SMPD3: variants seen among roughly 807,000 people sequenced by gnomAD.
The protein encoded by SMPD3 is nSMase-2.
SMPD3 carries 21 observed loss-of-function variants against 55.7 expected under a neutral mutation model. The observed-to-expected ratio is 0.38, with a 90% CI of 0.27 to 0.54. SMPD3 has a LOEUF of 0.54. SMPD3 is among the 20% of genes least tolerant of loss of function. The probability of loss-of-function intolerance (pLI) is 0.80; values close to 1 mark genes in which losing one functional copy is unlikely to be tolerated. For missense variants in SMPD3, 842 were observed against 899.6 expected, an observed-to-expected ratio of 0.94 and a Z score of 0.82; for synonymous variants, 457 against 404.3, an observed-to-expected ratio of 1.13 and a Z score of -1.56.
chr16:68,397,772 G>A (rs2090171572), intron 1 of SMPD3, among the ~76,000 whole-genome samples: 1 of 152,124 alleles, frequency 6.6e-6, no homozygotes, highest in Non-Finnish European at 1.5e-5. Context: ...TTTTGCGGGG[G>A]CGGGGGGTGG....
intron 8 of SMPD3, 108 bp downstream of exon 8, chr16:68,361,492 TGTA>T: frequency 2.0e-6 from 3 of 1,481,894 alleles, no homozygotes; most frequent in Non-Finnish European, 2.7e-6. Flanking sequence ...TGGGTATCAT[TGTA>T]AGAGTGGCCT....
At position 68,366,261 on chromosome 16, in the gene SMPD3, T is replaced by G. The variant is rs531543752; in HGVS notation, c.1324-1169A>C. 2.6e-4 allele frequency among the ~76,000 whole-genome samples: 40 copies of G among 152,314 alleles called. 1 individual carries two copies. In the East Asian group the frequency reaches 3.3e-3, roughly 13 times the overall value. ...CCAACAGCCTCGGCAGGCTCCGTCCTTCCTTCACTGCTGCAGTCGGTCAGG... is the reference window on the plus strand; with the variant it reads ...CCAACAGCCTCGGCAGGCTCCGTCCGTCCTTCACTGCTGCAGTCGGTCAGG... On this transcript the variant is annotated intron_variant, in intron 3 of 8. Transcript: ENST00000219334.
At chr16:68,369,264 CATAG>C in intron 3 of SMPD3, 1 of 150,092 alleles carries the variant, frequency 6.7e-6, no homozygotes, top group African/African-American at 2.5e-5. Context: ...TTTTGAATGT[CATAG>C]ATCAGGTTAC....
chr16:68,439,555 C>A (rs975750559), intron 1 of SMPD3, among the ~76,000 whole-genome samples: 2 of 152,230 alleles, frequency 1.3e-5, no homozygotes, highest in African/African-American at 4.8e-5. Flanking sequence ...CACCTCAATT[C>A]ACCCGCTATG....
chr16:68,370,901 A>G lies in SMPD3; in HGVS notation c.1281T>C (p.Cys427=). 6.2e-7 allele frequency: 1 copy of G among 1,614,050 alleles called. No individual in the cohort carries two copies. Among genetic ancestry groups the G allele is most frequent in the Non-Finnish European group, 8.5e-7 (1 of 1,179,974 alleles). ...CCTTAGAGGCCAGGGCATCGTCGTT[A>G]CACTTGTTGGGGTAACAGTGATAGG... ...DVAYHCYPNK[C]NDDALASKGA... The change falls in exon 3 of 9, where the codon TGT becomes TGC. Residue 427 remains cysteine, a synonymous_variant. Transcript: ENST00000219334.
chr16:68,361,240 C>A lies in SMPD3; in HGVS notation c.1934G>T (p.Arg645Leu). The A allele has an allele frequency of 1.2e-6, 2 of 1,613,968 alleles. No homozygotes were observed. Among genetic ancestry groups the A allele is most frequent in the South Asian group, 2.2e-5 (2 of 91,026 alleles). Residue 645 changes from arginine to leucine, a missense_variant, in exon 9 of 9, where the codon CGA (arginine) becomes CTA (leucine). Around this residue, in one of 2 missense-constraint regions of SMPD3, gnomAD observed 649 missense variants for 643.6 expected, o/e 1.01. Transcript: ENST00000219334. ...CTCCTCCCCCGAAGACACCATCAGT[C>A]GCATGGCTACTGGCAGGTGGTCCGT... ...GLTDHLPVAM[R>L]LMVSSGEEEA
At chr16:68,421,606 C>A (rs2090394939) in intron 1 of SMPD3, among the ~76,000 whole-genome samples, 1 of 152,212 alleles carries the variant, frequency 6.6e-6, no homozygotes, top group Non-Finnish European at 1.5e-5. Flanking sequence ...TAAGTCCAAG[C>A]CCCACTCCCT....
intron 3 of SMPD3, among the ~76,000 whole-genome samples, 168 bp from the exon 4 acceptor site, chr16:68,365,260 T>TA (rs2089442632): frequency 6.6e-6 from 1 of 152,134 alleles, no homozygotes; most frequent in Non-Finnish European, 1.5e-5. Flanking sequence ...TCTAGGGACT[T>TA]ACGGATCTGG....
At chr16:68,416,144 A>G (rs979762037) in intron 1 of SMPD3, among the ~76,000 whole-genome samples, 6 of 152,226 alleles carry the variant, frequency 3.9e-5, no homozygotes, top group African/African-American at 1.4e-4. Context: ...ACCTCTATGA[A>G]GGACAGTAAC....
At chr16:68,372,622 C>T (rs559657415) in intron 2 of SMPD3, among the ~76,000 whole-genome samples, 1 of 152,336 alleles carries the variant, frequency 6.6e-6, no homozygotes, top group Admixed American at 6.5e-5. Context: ...ATGACTGCCC[C>T]TAACTAACCA....
chr16:68,438,009 A>G (rs2090537074), intron 1 of SMPD3, among the ~76,000 whole-genome samples: 1 of 152,204 alleles, frequency 6.6e-6, no homozygotes, highest in Non-Finnish European at 1.5e-5. Flanking sequence ...GCAACCAAAA[A>G]GGGATGTGGA....
At chr16:68,428,192 C>T (rs991967009) in intron 1 of SMPD3, among the ~76,000 whole-genome samples, 4 of 152,122 alleles carry the variant, frequency 2.6e-5, no homozygotes, top group Non-Finnish European at 5.9e-5. Context: ...AGGCTAATGA[C>T]CCAAGATTTT....
chr16:68,441,380 T>C (rs552207580), intron 1 of SMPD3, among the ~76,000 whole-genome samples: 14 of 152,164 alleles, frequency 9.2e-5, no homozygotes, highest in Non-Finnish European at 1.3e-4. Context: ...TCCTCCTAAA[T>C]GGAAACAGTC....
At chr16:68,361,362 G>A in intron 8 of SMPD3, 55 bp from the exon 9 acceptor site, 1 of 1,539,474 alleles carries the variant, frequency 6.5e-7, no homozygotes. Flanking sequence ...AGGGCATCTT[G>A]CAGGGAGCGG....
chr16:68,435,631 C>A (rs1049988196), intron 1 of SMPD3, among the ~76,000 whole-genome samples: 4 of 152,212 alleles, frequency 2.6e-5, no homozygotes, highest in Non-Finnish European at 5.9e-5. Flanking sequence ...CCTGCCAGGG[C>A]CCAAGTTCTC....
chr16:68,397,203 AAG>A (rs2090164951), intron 1 of SMPD3, among the ~76,000 whole-genome samples: 1 of 152,182 alleles, frequency 6.6e-6, no homozygotes. Context: ...ACCCATAGGT[AAG>A]GGAGGAACAC....
chr16:68,444,116 C>T (rs987985278), intron 1 of SMPD3, among the ~76,000 whole-genome samples: 4 of 152,238 alleles, frequency 2.6e-5, no homozygotes, highest in Non-Finnish European at 5.9e-5. Flanking sequence ...TCCACCACAG[C>T]TCTGTTTCCT....
At chr16:68,444,767 G>T (rs1277529200) in intron 1 of SMPD3, among the ~76,000 whole-genome samples, 4 of 152,202 alleles carry the variant, frequency 2.6e-5, no homozygotes, top group Non-Finnish European at 5.9e-5. Context: ...GGATAAGCAG[G>T]TGGTTCAATT....
intron 2 of SMPD3, among the ~76,000 whole-genome samples, chr16:68,385,149 G>GTACA (rs1321196034): frequency 6.6e-6 from 1 of 152,142 alleles, no homozygotes; most frequent in African/African-American, 2.4e-5. Context: ...CCCCAAATGG[G>GTACA]TACAGCTGGC....
Sources: gnomAD v4.1 joint callset for allele counts (sites outside exome capture counted in the v4.1 genomes callset) on GRCh38, gnomAD v4.1.1 for gene constraint, gnomAD v4.1.1 regional missense constraint, MANE v1.5 for transcripts, NCBI Gene and HGNC (gene_info 2026-07-23, HGNC 2026-07-21) for gene names.